Variants in FOXN3 observed in about 807,000 individuals in gnomAD.
FOXN3 encodes forkhead box protein N3.
A neutral mutation model predicts 38.4 loss-of-function variants in FOXN3; 7 were observed. The observed-to-expected ratio is 0.18, with a 90% CI of 0.10 to 0.34. FOXN3 has a LOEUF of 0.34. Ranked by LOEUF, FOXN3 falls within the 10% of genes least tolerant of loss-of-function variation. FOXN3 has a pLI of 1.00. For missense variants in FOXN3, 456 were observed against 613.4 expected (o/e 0.74, Z 2.71); for synonymous variants, 230 against 242.2 (o/e 0.95, Z 0.47).
chr14:89,179,084 G>A (rs972129021), intron 5 of FOXN3, among the ~76,000 whole-genome samples: 1 of 152,208 alleles, frequency 6.6e-6, no homozygotes, highest in Non-Finnish European at 1.5e-5. Flanking sequence ...CATGGAAAGA[G>A]GCTTACCACT....
intron 2 of FOXN3, among the ~76,000 whole-genome samples, chr14:89,354,370 C>A (rs1192754097): frequency 6.6e-6 from 1 of 150,700 alleles, no homozygotes; most frequent in Non-Finnish European, 1.5e-5. Context: ...GGATTACAGG[C>A]ACCCGCCACC....
chr14:89,244,739 T>G (rs764551174), intron 4 of FOXN3, among the ~76,000 whole-genome samples: 12 of 152,156 alleles, frequency 7.9e-5, no homozygotes, highest in Non-Finnish European at 1.5e-5. Flanking sequence ...AATGTGAAAA[T>G]CCGGTTACCC....
chr14:89,317,474 T>C (rs1219264646), intron 3 of FOXN3, among the ~76,000 whole-genome samples: 3 of 152,144 alleles, frequency 2.0e-5, no homozygotes, highest in Non-Finnish European at 4.4e-5. Flanking sequence ...CATTAGACAG[T>C]CATTGTACTT....
intron 3 of FOXN3, among the ~76,000 whole-genome samples, chr14:89,336,136 T>TCACACACACACACA: frequency 1.4e-5 from 1 of 69,568 alleles, no homozygotes; most frequent in African/African-American, 7.2e-5. Flanking sequence ...GAAGTGATCC[T>TCACACACACACACA]TACACACACA....
At chr14:89,462,761 T>G (rs994612433) in intron 1 of FOXN3, among the ~76,000 whole-genome samples, 5 of 151,390 alleles carry the variant, frequency 3.3e-5, no homozygotes, top group Admixed American at 1.3e-4. Flanking sequence ...CTCGGCTCAC[T>G]GCAACCTCTG....
intron 5 of FOXN3, among the ~76,000 whole-genome samples, chr14:89,179,646 G>A (rs1320017256): frequency 6.6e-6 from 1 of 152,098 alleles, no homozygotes; most frequent in Non-Finnish European, 1.5e-5. Context: ...GACAGAAAGG[G>A]ACACACAGAG....
intron 1 of FOXN3, among the ~76,000 whole-genome samples, chr14:89,569,565 T>C (rs1895447860): frequency 6.6e-6 from 1 of 152,236 alleles, no homozygotes; most frequent in Non-Finnish European, 1.5e-5. Context: ...CTGACATAGA[T>C]AATCAACCTC....
At chr14:89,513,738 G>A (rs1894143524) in intron 1 of FOXN3, among the ~76,000 whole-genome samples, 1 of 152,116 alleles carries the variant, frequency 6.6e-6, no homozygotes, top group African/African-American at 2.4e-5. Flanking sequence ...GGGATTACAG[G>A]CATGCACCAC....
intron 4 of FOXN3, among the ~76,000 whole-genome samples, chr14:89,228,778 G>C (rs981159808): frequency 6.6e-6 from 1 of 152,196 alleles, no homozygotes; most frequent in Non-Finnish European, 1.5e-5. Context: ...GGAATAAACT[G>C]ATTTCCTAAT....
chr14:89,329,210 T>TA (rs1489828581), intron 3 of FOXN3, among the ~76,000 whole-genome samples: 4 of 152,124 alleles, frequency 2.6e-5, no homozygotes, highest in Non-Finnish European at 5.9e-5. Flanking sequence ...CATTCTGACA[T>TA]AGATAGTAGG....
intron 1 of FOXN3, among the ~76,000 whole-genome samples, chr14:89,431,002 C>T (rs1254438609): frequency 1.3e-5 from 2 of 152,238 alleles, no homozygotes; most frequent in Non-Finnish European, 2.9e-5. Flanking sequence ...ACTCCATCTC[C>T]ATTTAAGGAA....
Position 89,394,874 on chromosome 14 carries a change from C to T in FOXN3, c.543+17060G>A, listed in dbSNP as rs544888291. 2.6e-5 allele frequency among the ~76,000 whole-genome samples: 4 copies of T among 152,326 alleles called. No individual in the cohort carries two copies. The South Asian group carries it at 8.3e-4, about 32-fold the overall frequency. The stretch of plus-strand genomic sequence containing the variant: ...CCAGGGATACAGATCATTGGAAGCA[C>T]AGCTAGTGACTCCCCAACTAAGGGA... On this transcript the variant is annotated intron_variant, in intron 2 of 5. Transcript: ENST00000557258.
intron 3 of FOXN3, among the ~76,000 whole-genome samples, chr14:89,306,231 C>T (rs767311200): frequency 6.6e-6 from 1 of 152,150 alleles, no homozygotes; most frequent in Non-Finnish European, 1.5e-5. Flanking sequence ...CTCCAACAAC[C>T]GGAGTTCTAA....
intron 1 of FOXN3, among the ~76,000 whole-genome samples, chr14:89,525,207 C>A (rs377861): frequency 0.39 from 58,863 of 151,636 alleles, 11,823 homozygotes; most frequent in East Asian, 0.6. Context: ...GTGAGACAGG[C>A]GGTCAGCACA....
intron 1 of FOXN3, among the ~76,000 whole-genome samples, chr14:89,444,875 C>A (rs28647859): frequency 6.6e-6 from 1 of 152,128 alleles, no homozygotes; most frequent in African/African-American, 2.4e-5. Context: ...AGTCCCGGCA[C>A]TTTGGGAGGC....
chr14:89,412,011 T>A lies in FOXN3; in HGVS notation c.466A>T (p.Thr156Ser). The A allele has an allele frequency of 6.2e-7, 1 of 1,610,298 alleles. No homozygotes were observed. The highest frequency in any genetic ancestry group is 8.5e-7 in the Non-Finnish European group (1 of 1,178,142). The part of the protein sequence containing the change: ...EHFPYFANAP[T>S]GWKNSVRHNL... ...TGTCTCACTGAGTTTTTCCACCCAGTAGGTGCATTTGCAAAATACGGAAAA... is the reference window on the plus strand; with the variant it reads ...TGTCTCACTGAGTTTTTCCACCCAGAAGGTGCATTTGCAAAATACGGAAAA... The change falls in exon 2 of 6, where the codon ACT (threonine) becomes TCT (serine). Residue 156 changes from threonine (T) to serine (S), a missense_variant. By Grantham distance (58) the Thr-to-Ser change is moderately conservative (BLOSUM62 1). Coordinates refer to ENST00000557258, the MANE Select transcript of FOXN3 (RefSeq NM_005197.4). This position sits in a 1 kb window ranked among gnomAD's most constrained non-coding sequence, Gnocchi z 4.7.
Position 89,536,721 on chromosome 14 carries a change from T to C in FOXN3, c.-15+82307A>G, listed in dbSNP as rs370627941. Among the ~76,000 whole-genome samples, 7 of 152,158 alleles carry C rather than the reference T, an allele frequency of 4.6e-5. No homozygotes were observed. The East Asian group carries it at 9.7e-4, about 21-fold the overall frequency. On this transcript the variant is annotated intron_variant, in intron 1 of 6. Transcript: ENST00000345097. ...TGAACCTGGGAGACGGAGGTTGCAG[T>C]GAGCCGAGATCGGGCCTCTGCACTC...
At chr14:89,492,297 G>A (rs534676708) in intron 1 of FOXN3, among the ~76,000 whole-genome samples, 1 of 152,262 alleles carries the variant, frequency 6.6e-6, no homozygotes, top group South Asian at 2.1e-4. Context: ...GGATACATGG[G>A]GCACACACCA....
At chr14:89,343,815 T>C (rs1017910587) in intron 3 of FOXN3, among the ~76,000 whole-genome samples, 3 of 151,760 alleles carry the variant, frequency 2.0e-5, no homozygotes, top group Non-Finnish European at 4.4e-5. Context: ...CAGGGTGGAG[T>C]GCAATGGTGC....
Sources: gnomAD v4.1 joint callset for allele counts (sites outside exome capture counted in the v4.1 genomes callset) on GRCh38, gnomAD v4.1.1 for gene constraint, Gnocchi (gnomAD v3.1) non-coding constraint, MANE v1.5 for transcripts, NCBI Gene and HGNC (gene_info 2026-07-23, HGNC 2026-07-21) for gene names.